ALK: variants seen among roughly 807,000 people sequenced by gnomAD.
ALK encodes ALK receptor tyrosine kinase.
Under a neutral mutation model 163.1 loss-of-function variants are expected in ALK, and 74 were observed. The ratio of observed to expected loss-of-function variants is 0.45; its 90% CI spans 0.38 to 0.55. The LOEUF (loss-of-function observed/expected upper bound fraction) is 0.55. Among genes scored for constraint, ALK ranks in the 20% least tolerant of loss-of-function variants. ALK has a pLI of 0.00. For synonymous variants in ALK, 960 were observed against 843.2 expected (o/e 1.14, Z -2.40); for missense variants, 2,063 against 2,105.3 (o/e 0.98, Z 0.39).
chr2:29,862,839 G>A (rs1242106771), intron 1 of ALK, among the ~76,000 whole-genome samples: 5 of 151,484 alleles, frequency 3.3e-5, no homozygotes, highest in Admixed American at 3.3e-4. Flanking sequence ...AAAAAAACTG[G>A]GGGCATCACA....
intron 11 of ALK, among the ~76,000 whole-genome samples, chr2:29,262,354 A>G (rs1665109127): frequency 6.6e-6 from 1 of 152,186 alleles, no homozygotes; most frequent in African/African-American, 2.4e-5. Context: ...AGGTACACAC[A>G]TGTGTGTGCT....
rs114189773 is a variant in ALK, at chr2:29,775,370, G to C, written c.668-57673C>G. Among the ~76,000 whole-genome samples, 801 of 152,230 alleles carry C rather than the reference G, an allele frequency of 5.3e-3. 5 individuals are homozygous for C. The highest frequency in any genetic ancestry group is 0.018 in the African/African-American group (766 of 41,534). On this transcript the variant is annotated intron_variant, in intron 1 of 28. Transcript: ENST00000389048. ...AAACACCTGACAGTCTTGTTATTTT[G>C]CTAACCAAAGGAATTGGAGATTGTC...
At position 29,227,726 on chromosome 2, in the gene ALK, A is replaced by AAC. The variant is rs924707254; in HGVS notation, c.2816-56_2816-55dup. 28 of 1,388,148 alleles carry AAC rather than the reference A, an allele frequency of 2.0e-5. No individual in the cohort carries two copies. The highest frequency in any genetic ancestry group is 8.4e-5 in the Admixed American group (5 of 59,662). The allele number at this position is 1,388,148 out of a possible 1,614,324, so 86.0% of individuals were successfully genotyped here. A position where few individuals can be genotyped will look rare whatever the true frequency, so the allele number is the denominator to read the frequency against. On this transcript the variant is annotated intron_variant, in intron 16 of 28. Transcript: ENST00000389048. The surrounding 1 kb of genome is among the most constrained non-coding windows in gnomAD (Gnocchi z 4.4). ...CATGGGGGGTGGGTGCCAAAATCTTAACACACACACACGTCAGTGGGGCAT... is the reference window on the plus strand; with the variant it reads ...CATGGGGGGTGGGTGCCAAAATCTTAACACACACACACACGTCAGTGGGGCAT...
intron 9 of ALK, among the ~76,000 whole-genome samples, chr2:29,293,844 T>TTCATGTAACAGCCAGGG (rs6146694): frequency 6.6e-6 from 1 of 152,052 alleles, no homozygotes; most frequent in Non-Finnish European, 1.5e-5. Flanking sequence ...TGGTCAGATT[T>TTCATGTAACAGCCAGGG]CCAATACCGT....
Position 29,209,886 on chromosome 2 carries a change from G to A in ALK, c.3744-8C>T, listed in dbSNP as rs1250737915. The A allele has an allele frequency of 6.2e-7, 1 of 1,611,460 alleles. No individual in the cohort carries two copies. The highest frequency in any genetic ancestry group is 8.5e-7 in the Non-Finnish European group (1 of 1,177,592). ...TTTCTGGCAGCAATGTCTCTGGGAAGAAAGGAAATGCATTTCCTAATTTTA... is the reference window on the plus strand; with the variant it reads ...TTTCTGGCAGCAATGTCTCTGGGAAAAAAGGAAATGCATTTCCTAATTTTA... On this transcript the variant is annotated splice_region_variant and splice_polypyrimidine_tract_variant and intron_variant, in intron 24 of 28. Coordinates refer to ENST00000389048, the MANE Select transcript of ALK (RefSeq NM_004304.5).
chr2:29,626,760 C>G (rs970381636), intron 3 of ALK, among the ~76,000 whole-genome samples: 1 of 152,204 alleles, frequency 6.6e-6, no homozygotes, highest in African/African-American at 2.4e-5. Context: ...GCTTCTAGAA[C>G]TGTGAGAAAT....
At chr2:29,341,157 G>A (rs1008851927) in intron 5 of ALK, among the ~76,000 whole-genome samples, 2 of 152,198 alleles carry the variant, frequency 1.3e-5, no homozygotes, top group African/African-American at 4.8e-5. Flanking sequence ...GTATTTCAGA[G>A]GACTTCCACA....
At chr2:29,615,860 G>A (rs949079251) in intron 3 of ALK, among the ~76,000 whole-genome samples, 1 of 152,222 alleles carries the variant, frequency 6.6e-6, no homozygotes, top group Non-Finnish European at 1.5e-5. Context: ...AATACCTTTT[G>A]CACTTCACCC....
chr2:29,223,661 A>G, intron 19 of ALK, 133 bp from the exon 20 acceptor site: 1 of 742,792 alleles, frequency 1.3e-6, no homozygotes, highest in South Asian at 1.6e-5. Context: ...CATCATACTT[A>G]GAAATACTAA....
chr2:29,354,501 A>T (rs1668194166), intron 5 of ALK, among the ~76,000 whole-genome samples: 1 of 152,188 alleles, frequency 6.6e-6, no homozygotes, highest in Non-Finnish European at 1.5e-5. Context: ...CAGAGAAGGC[A>T]GGAGAGCAGA....
At chr2:29,220,857 A>C (rs761330054) in intron 22 of ALK, 22 bp from the exon 23 acceptor site, 1 of 1,613,692 alleles carries the variant, frequency 6.2e-7, no homozygotes, top group African/African-American at 1.3e-5. Flanking sequence ...AGAGGGATGT[A>C]ACCAAAATTA....
chr2:29,432,545 C>A (rs936703033), intron 4 of ALK, among the ~76,000 whole-genome samples: 1 of 152,084 alleles, frequency 6.6e-6, no homozygotes, highest in Non-Finnish European at 1.5e-5. Context: ...GGACAATCAA[C>A]CTCAGATTTG....
At chr2:29,763,914 C>T (rs556207775) in intron 1 of ALK, among the ~76,000 whole-genome samples, 1 of 152,256 alleles carries the variant, frequency 6.6e-6, no homozygotes, top group East Asian at 1.9e-4. Flanking sequence ...TTCAGGGCCC[C>T]ACACCAACTT....
At chr2:29,798,277 A>G (rs1001062691) in intron 1 of ALK, among the ~76,000 whole-genome samples, 1 of 152,250 alleles carries the variant, frequency 6.6e-6, no homozygotes. Context: ...AATTGGTATC[A>G]TCACCAGCTC....
chr2:29,320,782 G>T lies in ALK; in HGVS notation c.1515C>A (p.Thr505=). 1 of 1,613,996 alleles carries T rather than the reference G, an allele frequency of 6.2e-7. No homozygotes were observed. The highest frequency in any genetic ancestry group is 8.5e-7 in the Non-Finnish European group (1 of 1,180,006). ...GGTCCTGGAACCGGGCATCCTTTAGGGTCCTGACCTGCCATTGAGGAGTGT... is the reference window on the plus strand; with the variant it reads ...GGTCCTGGAACCGGGCATCCTTTAGTGTCCTGACCTGCCATTGAGGAGTGT... The part of the protein sequence containing the change: ...SPHTPQWQVR[T]LKDARFQDHQ... The change falls in exon 7 of 29, where the codon ACC becomes ACA. Residue 505 remains threonine, a synonymous_variant. Transcript: ENST00000389048.
chr2:29,805,498 C>G (rs1446043368), intron 1 of ALK, among the ~76,000 whole-genome samples: 1 of 152,148 alleles, frequency 6.6e-6, no homozygotes, highest in Admixed American at 6.5e-5. Context: ...TCTCCTTCCT[C>G]CTGCTCCCAG....
intron 4 of ALK, among the ~76,000 whole-genome samples, chr2:29,520,066 T>C (rs1415340276): frequency 6.6e-6 from 1 of 152,086 alleles, no homozygotes; most frequent in African/African-American, 2.4e-5. Context: ...GAACAGGAAA[T>C]ATGCAGGAAA....
chr2:29,382,086 C>T (rs1668911738), intron 5 of ALK, among the ~76,000 whole-genome samples: 1 of 152,222 alleles, frequency 6.6e-6, no homozygotes, highest in South Asian at 2.1e-4. Flanking sequence ...GCTAGAGCCA[C>T]TGAAAGAAGG....
intron 1 of ALK, among the ~76,000 whole-genome samples, chr2:29,744,516 G>A (rs973110728): frequency 6.6e-6 from 1 of 152,082 alleles, no homozygotes; most frequent in Admixed American, 6.5e-5. Flanking sequence ...GCTGGGGGCT[G>A]GAATCATCTG....
Sources: gnomAD v4.1 joint callset for allele counts (sites outside exome capture counted in the v4.1 genomes callset) on GRCh38, gnomAD v4.1.1 for gene constraint, Gnocchi (gnomAD v3.1) non-coding constraint, MANE v1.5 for transcripts, NCBI Gene and HGNC (gene_info 2026-07-23, HGNC 2026-07-21) for gene names.